WFDC8: variants seen among roughly 807,000 people sequenced by gnomAD.
WFDC8 encodes the protein WAP four-disulfide core domain protein 8.
In WFDC8, 24 loss-of-function variants were observed where a neutral mutation model predicts 27.0. The ratio of observed to expected loss-of-function variants is 0.89; its 90% CI spans 0.64 to 1.25. WFDC8 has a LOEUF of 1.25. Ranked by LOEUF, WFDC8 falls within the 50% of genes most tolerant of loss-of-function variation. WFDC8 has a pLI of 0.00. For synonymous variants in WFDC8, 106 were observed against 99.7 expected (o/e 1.06, Z -0.38); for missense variants, 287 against 295.9 (o/e 0.97, Z 0.22).
At position 45,555,795 on chromosome 20, in the gene WFDC8, A is replaced by C. The variant is rs1980222149; in HGVS notation, c.351T>G (p.Asn117Lys). The change falls in exon 4 of 6, where the codon AAT (asparagine) becomes AAG (lysine). Residue 117 changes from asparagine to lysine, a missense_variant. Coordinates refer to ENST00000289953, the MANE Select transcript of WFDC8 (RefSeq NM_130896.3). ...TGTATTTGAAGGGTGTGCAGCGGTA[A>C]TTTTTAAAGTCAAAATGCCAGCGCT... is the stretch of plus-strand genomic sequence containing the variant. ...EAQRWHFDFK[N>K]YRCTPFKYRG... 6.2e-7 allele frequency: 1 copy of C among 1,613,898 alleles called. No individual in the cohort carries two copies. The highest frequency in any genetic ancestry group is 8.5e-7 in the Non-Finnish European group (1 of 1,179,998).
chr20:45,562,242 G>A, intron 1 of WFDC8, 23 bp from the exon 2 acceptor site: 1 of 1,592,278 alleles, frequency 6.3e-7, no homozygotes, highest in Non-Finnish European at 8.6e-7. Context: ...GAAGAGAGGT[G>A]GGAGTTAAGC....
intron 1 of WFDC8, among the ~76,000 whole-genome samples, chr20:45,571,619 TC>T (rs1191469801): frequency 6.6e-6 from 1 of 152,150 alleles, no homozygotes; most frequent in East Asian, 1.9e-4. Context: ...ATCTTCCCTT[TC>T]CCCATACACT....
intron 1 of WFDC8, among the ~76,000 whole-genome samples, chr20:45,564,609 G>A (rs1164353327): frequency 6.6e-6 from 1 of 151,230 alleles, no homozygotes; most frequent in African/African-American, 2.4e-5. Context: ...GGGAGGCAGA[G>A]CTTTCAGTGA....
intron 1 of WFDC8, among the ~76,000 whole-genome samples, chr20:45,572,567 C>A (rs566193359): frequency 6.6e-6 from 1 of 152,110 alleles, no homozygotes; most frequent in African/African-American, 2.4e-5. Flanking sequence ...TCTCATAAAC[C>A]TATTGGCTAT....
chr20:45,560,815 G>A (rs1010329609), intron 2 of WFDC8, among the ~76,000 whole-genome samples: 1 of 152,172 alleles, frequency 6.6e-6, no homozygotes, highest in African/African-American at 2.4e-5. Flanking sequence ...AAGCTAAGAA[G>A]AGTATGTGGT....
intron 4 of WFDC8, 146 bp downstream of exon 4, chr20:45,555,555 A>G: frequency 1.2e-6 from 1 of 820,178 alleles, no homozygotes; most frequent in Non-Finnish European, 1.9e-6. Context: ...AAAGGCAGGC[A>G]ACTGGCCCAA....
At chr20:45,562,551 G>T (rs1255959549) in intron 1 of WFDC8, among the ~76,000 whole-genome samples, 6 of 152,144 alleles carry the variant, frequency 3.9e-5, no homozygotes, top group Non-Finnish European at 1.5e-5. Context: ...GAGCTGGTTT[G>T]CCCACAGTCA....
intron 1 of WFDC8, chr20:45,568,558 C>T (rs1373807217): frequency 4.2e-6 from 2 of 473,256 alleles, no homozygotes; most frequent in East Asian, 1.1e-4. Context: ...GGAGCTAATG[C>T]CCAACACTAT....
chr20:45,558,535 T>C (rs1426430949), intron 3 of WFDC8, among the ~76,000 whole-genome samples: 1 of 152,218 alleles, frequency 6.6e-6, no homozygotes, highest in African/African-American at 2.4e-5. Context: ...TGAAAAACAA[T>C]GCCAGCATTT....
At chr20:45,578,967 C>A (rs562450760) in intron 1 of WFDC8, among the ~76,000 whole-genome samples, 78 of 152,036 alleles carry the variant, frequency 5.1e-4, no homozygotes, top group Non-Finnish European at 3.2e-4. Flanking sequence ...CTTAGCCGAG[C>A]GTGGTGGCGC....
chr20:45,569,586 G>A (rs1980798399), intron 1 of WFDC8, among the ~76,000 whole-genome samples: 1 of 152,096 alleles, frequency 6.6e-6, no homozygotes, highest in Non-Finnish European at 1.5e-5. Context: ...GAATGGCATT[G>A]CCTAGGTTGT....
chr20:45,555,700 C>T lies in WFDC8; in HGVS notation c.445+1G>A. Reference sequence around the variant, plus strand: ...TCAGATTTCCAGGATAGAGGTCTCACCAATTAACATGCAGGCCGTTCTGCA... The same window carrying T: ...TCAGATTTCCAGGATAGAGGTCTCATCAATTAACATGCAGGCCGTTCTGCA... On this transcript the variant is annotated splice_donor_variant, in intron 4 of 5. Coordinates refer to ENST00000289953, the MANE Select transcript of WFDC8 (RefSeq NM_130896.3). LOFTEE classifies it high-confidence loss of function. 6.2e-7 allele frequency: 1 copy of T among 1,612,260 alleles called. No individual in the cohort carries two copies. The highest frequency in any genetic ancestry group is 8.5e-7 in the Non-Finnish European group (1 of 1,179,954).
intron 1 of WFDC8, among the ~76,000 whole-genome samples, chr20:45,566,913 C>T (rs1167592392): frequency 1.3e-5 from 2 of 152,130 alleles, no homozygotes; most frequent in African/African-American, 2.4e-5. Flanking sequence ...TGCATATAAC[C>T]TACATTCATT....
intron 4 of WFDC8, 75 bp from the exon 5 acceptor site, chr20:45,553,351 C>T: frequency 6.5e-7 from 1 of 1,527,372 alleles, no homozygotes; most frequent in Non-Finnish European, 8.8e-7. Flanking sequence ...CTTTCCTTCT[C>T]TTCAAAGCTA....
intron 3 of WFDC8, 44 bp from the exon 4 acceptor site, chr20:45,555,912 T>A (rs1980230275): frequency 6.3e-7 from 1 of 1,584,752 alleles, no homozygotes; most frequent in Non-Finnish European, 8.6e-7. Flanking sequence ...AGAGTAGAGA[T>A]AAAAGAACAG....
chr20:45,573,670 T>C (rs990719165), intron 1 of WFDC8, among the ~76,000 whole-genome samples: 3 of 152,180 alleles, frequency 2.0e-5, no homozygotes, highest in East Asian at 1.9e-4. Flanking sequence ...ATATATACCA[T>C]GTTTTCTTTA....
chr20:45,571,663 C>T (rs919045781), intron 1 of WFDC8, among the ~76,000 whole-genome samples: 1 of 152,198 alleles, frequency 6.6e-6, no homozygotes, highest in South Asian at 2.1e-4. Context: ...CCTCTGATAA[C>T]CACCATCTAC....
chr20:45,551,917 T>C lies in WFDC8; in HGVS notation c.*109A>G. The C allele has an allele frequency of 7.8e-7, 1 of 1,279,682 alleles. No individual in the cohort carries two copies. Among genetic ancestry groups the C allele is most frequent in the South Asian group, 1.5e-5 (1 of 68,166 alleles). 79.3% of individuals were successfully genotyped at this position (1,279,682 alleles called of 1,614,324 possible). ...AAAATCAAAGTAACATCATTCAATA[T>C]TGTGATACTTAAGATAATTTGGCAA... is the stretch of plus-strand genomic sequence containing the variant. On this transcript the variant is annotated 3_prime_UTR_variant, in exon 6 of 6. Coordinates refer to ENST00000289953, the MANE Select transcript of WFDC8 (RefSeq NM_130896.3).
intron 1 of WFDC8, among the ~76,000 whole-genome samples, chr20:45,566,292 G>A (rs1291258715): frequency 1.3e-5 from 2 of 152,042 alleles, no homozygotes; most frequent in African/African-American, 4.8e-5. Flanking sequence ...TCAAGCTATT[G>A]ATTAATAATT....
Sources: allele counts gnomAD v4.1 joint callset (sites outside exome capture counted in the v4.1 genomes callset), GRCh38; gene constraint gnomAD v4.1.1; transcripts MANE v1.5; gene names NCBI Gene and HGNC (gene_info 2026-07-23, HGNC 2026-07-21).